Variants in PRORP observed in about 807,000 individuals in gnomAD.
The protein encoded by PRORP is mitochondrial ribonuclease P catalytic subunit.
Under a neutral mutation model 59.4 loss-of-function variants are expected in PRORP, and 51 were observed. That is an observed-to-expected ratio of 0.86 (90% CI 0.69 to 1.08). The LOEUF (loss-of-function observed/expected upper bound fraction) is 1.08, where lower values mean the gene tolerates loss of function less well. Ranked by LOEUF, PRORP falls within the 50% of genes least tolerant of loss-of-function variation. PRORP has a pLI of 0.00. For synonymous variants in PRORP, 231 were observed against 245.6 expected (o/e 0.94, Z 0.55); for missense variants, 646 against 690.3 (o/e 0.94, Z 0.72).
At chr14:35,172,525 T>TCTCTCCCTCTCTCCCC (rs2048348066) in intron 4 of PRORP, among the ~76,000 whole-genome samples, 1 of 134,424 alleles carries the variant, frequency 7.4e-6, no homozygotes, top group Non-Finnish European at 1.6e-5. Flanking sequence ...CCTCTCTCCC[T>TCTCTCCCTCTCTCCCC]CTCTCTCCTG....
At chr14:35,172,449 C>CT (rs2048336858) in intron 4 of PRORP, among the ~76,000 whole-genome samples, 2 of 29,234 alleles carry the variant, frequency 6.8e-5, no homozygotes, top group African/African-American at 2.1e-4. Context: ...TCCTTCCTTC[C>CT]TTCCTTCTTT....
intron 4 of PRORP, among the ~76,000 whole-genome samples, chr14:35,151,461 C>G (rs142112321): frequency 5.0e-4 from 76 of 152,230 alleles, no homozygotes; most frequent in South Asian, 4.6e-3. Flanking sequence ...CATGTATAGT[C>G]TTCCCTATCT....
At chr14:35,134,074 T>A (rs2047316107) in intron 4 of PRORP, among the ~76,000 whole-genome samples, 1 of 152,212 alleles carries the variant, frequency 6.6e-6, no homozygotes, top group African/African-American at 2.4e-5. Flanking sequence ...GGGCGACAAG[T>A]TCCCCCAGGC....
intron 6 of PRORP, among the ~76,000 whole-genome samples, chr14:35,269,762 A>G (rs1054431651): frequency 2.6e-5 from 4 of 152,222 alleles, no homozygotes; most frequent in African/African-American, 9.6e-5. Flanking sequence ...GGCATAGGGC[A>G]TATCACAAGT....
At chr14:35,188,945 A>T (rs2048812568) in intron 5 of PRORP, among the ~76,000 whole-genome samples, 1 of 103,474 alleles carries the variant, frequency 9.7e-6, no homozygotes, top group Admixed American at 1.1e-4. Flanking sequence ...TCTGTCTAAA[A>T]AAAAAAAAAA....
At chr14:35,253,507 C>T (rs2050672389) in intron 5 of PRORP, among the ~76,000 whole-genome samples, 1 of 152,156 alleles carries the variant, frequency 6.6e-6, no homozygotes, top group African/African-American at 2.4e-5. Context: ...GGCCACAACA[C>T]TCAGTATCTG....
intron 5 of PRORP, among the ~76,000 whole-genome samples, chr14:35,207,119 C>T (rs1422596203): frequency 1.3e-5 from 2 of 152,058 alleles, no homozygotes; most frequent in African/African-American, 4.8e-5. Context: ...TTAAGGCTAA[C>T]AGCCTAATAT....
intron 5 of PRORP, among the ~76,000 whole-genome samples, chr14:35,221,858 A>T (rs1035314660): frequency 6.6e-6 from 1 of 152,100 alleles, no homozygotes; most frequent in Non-Finnish European, 1.5e-5. Flanking sequence ...TTTACAGATA[A>T]CCAGTAGTGG....
chr14:35,185,110 C>T (rs1401880235), intron 5 of PRORP, among the ~76,000 whole-genome samples: 1 of 152,126 alleles, frequency 6.6e-6, no homozygotes, highest in African/African-American at 2.4e-5. Context: ...CTGCTTTCCA[C>T]AATGGTTAAA....
At chr14:35,121,851 T>C (rs1215384963), upstream of PRORP, 3 of 1,595,004 alleles carry the variant, frequency 1.9e-6, no homozygotes, top group Non-Finnish European at 2.6e-6. Context: ...CCCCTACCTC[T>C]AGGAGTTTAG....
At position 35,273,419 on chromosome 14, in the gene PRORP, C is replaced by CT; in HGVS notation, c.1621-11dup. On this transcript the variant is annotated splice_polypyrimidine_tract_variant and intron_variant, in intron 7 of 7. Transcript: ENST00000534898. Reference sequence around the variant, plus strand: ...AGTGTTGTTCTCAATGTTTTGTTCTCTTTTTAATTCAACAGCGTATTCTCA... The same window carrying CT: ...AGTGTTGTTCTCAATGTTTTGTTCTCTTTTTTAATTCAACAGCGTATTCTCA... The CT allele has an allele frequency of 1.3e-6, 2 of 1,595,960 alleles. No individual in the cohort carries two copies. The highest frequency in any genetic ancestry group is 1.1e-5 in the South Asian group (1 of 87,436).
chr14:35,215,786 G>A (rs2049573342), intron 5 of PRORP, among the ~76,000 whole-genome samples: 1 of 151,036 alleles, frequency 6.6e-6, no homozygotes, highest in Admixed American at 6.6e-5. Context: ...TTTCTTGGGG[G>A]GACAGGGTCT....
chr14:35,127,422 T>C, intron 3 of PRORP, 57 bp from the exon 4 acceptor site: 5 of 1,300,134 alleles, frequency 3.8e-6, no homozygotes, highest in African/African-American at 1.5e-5. Context: ...CAAATTTTTT[T>C]CCCCAGAACA....
chr14:35,223,239 T>TA (rs61093941), intron 5 of PRORP, among the ~76,000 whole-genome samples: 1 of 142,226 alleles, frequency 7.0e-6, no homozygotes, highest in African/African-American at 2.5e-5. Context: ...TTTTTTTTTT[T>TA]ACCAGAATGA....
intron 5 of PRORP, among the ~76,000 whole-genome samples, chr14:35,199,390 A>G (rs1375733861): frequency 6.6e-6 from 1 of 151,490 alleles, no homozygotes; most frequent in Non-Finnish European, 1.5e-5. Flanking sequence ...GAATGTGTCC[A>G]CTCCACATTC....
chr14:35,161,519 C>CT (rs58676286), intron 4 of PRORP, among the ~76,000 whole-genome samples: 18,786 of 152,014 alleles, frequency 0.12, 1,237 homozygotes, highest in Middle Eastern at 0.17. Context: ...AGAATTTTTT[C>CT]TTTTTTTAAA....
At chr14:35,259,648 T>C (rs899824303) in intron 5 of PRORP, among the ~76,000 whole-genome samples, 1 of 152,176 alleles carries the variant, frequency 6.6e-6, no homozygotes, top group Non-Finnish European at 1.5e-5. Context: ...TCCAGCACTT[T>C]GGGAGGCTGA....
chr14:35,222,855 C>T (rs2049824664), intron 5 of PRORP: 1 of 152,172 alleles, frequency 6.6e-6, no homozygotes, highest in Admixed American at 6.5e-5. Context: ...GAATCTCTAC[C>T]TGTTTTTGTT....
intron 4 of PRORP, among the ~76,000 whole-genome samples, chr14:35,145,096 G>C (rs1203274575): frequency 6.9e-6 from 1 of 144,630 alleles, no homozygotes; most frequent in Non-Finnish European, 1.5e-5. Context: ...TTAGCCTCTT[G>C]AGTAGCTAAG....
Sources: gnomAD v4.1 joint callset for allele counts (sites outside exome capture counted in the v4.1 genomes callset) on GRCh38, gnomAD v4.1.1 for gene constraint, MANE v1.5 for transcripts, NCBI Gene and HGNC (gene_info 2026-07-23, HGNC 2026-07-21) for gene names.